Variants in TBC1D19 observed in about 807,000 individuals in gnomAD.
TBC1D19 encodes the protein TBC1 domain family, member 19.
TBC1D19 carries 60 observed loss-of-function variants against 89.0 expected under a neutral mutation model. The observed-to-expected ratio is 0.67, with a 90% confidence interval of 0.55 to 0.84. The LOEUF is 0.84. Ranked by LOEUF, TBC1D19 falls within the 40% of genes least tolerant of loss-of-function variation. The pLI, the probability that TBC1D19 is intolerant of heterozygous loss-of-function variation, is 0.00. For synonymous variants in TBC1D19, 189 were observed against 199.7 expected (o/e 0.95, Z 0.45); for missense variants, 500 against 610.8 (o/e 0.82, Z 1.91).
intron 7 of TBC1D19, among the ~76,000 whole-genome samples, chr4:26,651,271 A>AT (rs1374961614): frequency 6.6e-6 from 1 of 152,168 alleles, no homozygotes; most frequent in East Asian, 1.9e-4. Context: ...TGGTAGCTTG[A>AT]TGGGGATGGC....
chr4:26,587,846 C>G (rs964378798), intron 1 of TBC1D19, among the ~76,000 whole-genome samples: 18 of 151,184 alleles, frequency 1.2e-4, no homozygotes, highest in African/African-American at 4.4e-4. Flanking sequence ...TTCAGGTTAT[C>G]TATTTCTTCT....
At chr4:26,582,855 G>A (rs754619654), upstream of TBC1D19, among the ~76,000 whole-genome samples, 4 of 152,186 alleles carry the variant, frequency 2.6e-5, no homozygotes, top group African/African-American at 4.8e-5. Flanking sequence ...AAATGTCAGA[G>A]TGCTGTGCAT....
the TBC1D19 span, among the ~76,000 whole-genome samples, chr4:26,848,597 G>A: frequency 1.3e-5 from 2 of 152,124 alleles, no homozygotes; most frequent in Non-Finnish European, 2.9e-5. Flanking sequence ...TTTCTACATG[G>A]TTATTAAAAT....
At chr4:26,773,247 G>T in the TBC1D19 span, among the ~76,000 whole-genome samples, 1 of 152,054 alleles carries the variant, frequency 6.6e-6, no homozygotes, top group Non-Finnish European at 1.5e-5. Flanking sequence ...ATGTTTGTTT[G>T]CCACATGTAT....
intron 9 of TBC1D19, among the ~76,000 whole-genome samples, chr4:26,668,984 CAT>C (rs879576976): frequency 1.9e-5 from 1 of 51,718 alleles, no homozygotes; most frequent in Non-Finnish European, 4.7e-5. Flanking sequence ...ATTTTAAATA[CAT>C]ACACACACAC....
intron 3 of TBC1D19, among the ~76,000 whole-genome samples, chr4:26,616,734 A>G (rs1251377114): frequency 1.3e-5 from 2 of 152,188 alleles, no homozygotes; most frequent in Non-Finnish European, 2.9e-5. Flanking sequence ...CAAATACACT[A>G]GAAAATTTTC....
At chr4:26,669,217 G>C (rs1461184289) in intron 9 of TBC1D19, among the ~76,000 whole-genome samples, 1 of 151,764 alleles carries the variant, frequency 6.6e-6, no homozygotes, top group East Asian at 1.9e-4. Context: ...CTCAGTTAGT[G>C]CAGTATTTCC....
intron 4 of TBC1D19, among the ~76,000 whole-genome samples, chr4:26,624,083 T>C (rs1248251197): frequency 1.3e-5 from 2 of 152,190 alleles, no homozygotes; most frequent in Non-Finnish European, 2.9e-5. Flanking sequence ...CCTTCCACTT[T>C]GTCAGTCTCT....
intron 4 of TBC1D19, among the ~76,000 whole-genome samples, chr4:26,624,579 A>G (rs1742270073): frequency 6.6e-6 from 1 of 152,128 alleles, no homozygotes; most frequent in African/African-American, 2.4e-5. Flanking sequence ...TAACAGTTTA[A>G]AAACATTTTT....
At chr4:26,796,322 C>T in the TBC1D19 span, among the ~76,000 whole-genome samples, 1 of 152,178 alleles carries the variant, frequency 6.6e-6, no homozygotes, top group African/African-American at 2.4e-5. Flanking sequence ...AGTGTGTTCA[C>T]CCAAAACTCG....
the TBC1D19 span, among the ~76,000 whole-genome samples, chr4:26,799,212 T>C: frequency 1.8e-4 from 27 of 152,176 alleles, no homozygotes; most frequent in African/African-American, 6.0e-4. Context: ...GGGTGTGGTA[T>C]TGGGGCCTAT....
intron 1 of TBC1D19, among the ~76,000 whole-genome samples, chr4:26,594,751 C>T (rs959760172): frequency 8.5e-5 from 13 of 152,104 alleles, no homozygotes; most frequent in African/African-American, 3.1e-4. Flanking sequence ...GATGTTAATC[C>T]GACTGAGCCG....
At chr4:26,749,060 AT>A (rs1398080758) in intron 19 of TBC1D19, among the ~76,000 whole-genome samples, 2 of 151,476 alleles carry the variant, frequency 1.3e-5, no homozygotes, top group African/African-American at 4.8e-5. Flanking sequence ...TTCCCCTTTT[AT>A]TCTCTCAGGC....
At chr4:26,799,959 C>A in the TBC1D19 span, among the ~76,000 whole-genome samples, 1 of 147,946 alleles carries the variant, frequency 6.8e-6, no homozygotes, top group Non-Finnish European at 1.5e-5. Flanking sequence ...TTTTAAAAAA[C>A]TGTGTATAGA....
At chr4:26,603,366 A>G (rs1033190039) in intron 1 of TBC1D19, among the ~76,000 whole-genome samples, 3 of 152,316 alleles carry the variant, frequency 2.0e-5, no homozygotes, top group South Asian at 2.1e-4. Flanking sequence ...AAATTAAGTC[A>G]CAGTGCAAGG....
intron 8 of TBC1D19, among the ~76,000 whole-genome samples, chr4:26,663,641 AT>A (rs1297707189): frequency 5.3e-5 from 8 of 152,184 alleles, no homozygotes; most frequent in Non-Finnish European, 1.0e-4. Flanking sequence ...CTTGTAGCTA[AT>A]TTTCAAGAAA....
intron 1 of TBC1D19, 48 bp from the exon 2 acceptor site, chr4:26,613,121 A>G (rs1470793474): frequency 1.6e-6 from 2 of 1,287,012 alleles, no homozygotes; most frequent in East Asian, 2.6e-5. Context: ...TACTTTGGAT[A>G]TCTTTTCCTT....
the TBC1D19 span, among the ~76,000 whole-genome samples, chr4:26,841,865 A>G: frequency 0.012 from 1,844 of 152,336 alleles, 36 homozygotes; most frequent in African/African-American, 0.042. Context: ...CAGGAGCTCA[A>G]TGTTCTAATA....
chr4:26,579,567 T>C (rs191107674), upstream of TBC1D19, among the ~76,000 whole-genome samples: 379 of 152,068 alleles, frequency 2.5e-3, 3 homozygotes, highest in African/African-American at 8.5e-3. Flanking sequence ...TAGGTATACA[T>C]GTGCCATTGT....
Sources: gnomAD v4.1 joint callset for allele counts (sites outside exome capture counted in the v4.1 genomes callset) on GRCh38, gnomAD v4.1.1 for gene constraint, MANE v1.5 for transcripts, NCBI Gene and HGNC (gene_info 2026-07-23, HGNC 2026-07-21) for gene names.